Variants in PPM1G observed in about 807,000 individuals in gnomAD.
PPM1G encodes the protein protein phosphatase 1G.
Under a neutral mutation model 59.4 loss-of-function variants are expected in PPM1G, and 12 were observed. The observed-to-expected ratio is 0.20, with a 90% CI of 0.13 to 0.33. The LOEUF (loss-of-function observed/expected upper bound fraction) is 0.33. Ranked by LOEUF, PPM1G falls within the 10% of genes least tolerant of loss-of-function variation. PPM1G has a pLI of 1.00. For missense variants in PPM1G, 392 were observed against 681.3 expected, an observed-to-expected ratio of 0.58 and a Z score of 4.73; for synonymous variants, 245 against 251.9, an observed-to-expected ratio of 0.97 and a Z score of 0.26.
intron 1 of PPM1G, among the ~76,000 whole-genome samples, chr2:27,400,126 G>A (rs145949639): frequency 2.6e-5 from 4 of 152,290 alleles, no homozygotes; most frequent in East Asian, 1.9e-4. Context: ...GCCGGGCGTG[G>A]TGGTTCATGC....
intron 1 of PPM1G, among the ~76,000 whole-genome samples, chr2:27,396,587 G>A (rs2148424610): frequency 6.6e-6 from 1 of 152,140 alleles, no homozygotes; most frequent in South Asian, 2.1e-4. Flanking sequence ...GGCCGAGGCG[G>A]GCGGATCACT....
chr2:27,387,361 G>A (rs1165904041), intron 1 of PPM1G, among the ~76,000 whole-genome samples: 2 of 152,104 alleles, frequency 1.3e-5, no homozygotes, highest in Non-Finnish European at 1.5e-5. Context: ...AGAAAAGGAA[G>A]AAAGAATCAG....
In PPM1G at chr2:27,382,238, A is replaced by G. The variant is rs753960093; in HGVS notation, c.1332-10T>C. On this transcript the variant is annotated splice_polypyrimidine_tract_variant and intron_variant, in intron 8 of 9. Transcript: ENST00000344034. This position sits in a 1 kb window ranked among gnomAD's most constrained non-coding sequence, Gnocchi z 4.2. ...GCTGCTCATCACATTCCTGGGGTCAAGAACAACAGTCAGAATCTTCCAGTC... is the reference window on the plus strand; with the variant it reads ...GCTGCTCATCACATTCCTGGGGTCAGGAACAACAGTCAGAATCTTCCAGTC... 1 of 1,612,762 alleles carries G rather than the reference A, an allele frequency of 6.2e-7. No homozygotes were observed. Among genetic ancestry groups the G allele is most frequent in the Non-Finnish European group, 8.5e-7 (1 of 1,178,702 alleles).
intron 1 of PPM1G, among the ~76,000 whole-genome samples, chr2:27,392,398 G>T (rs1683936973): frequency 6.7e-6 from 1 of 148,876 alleles, no homozygotes. Flanking sequence ...AGGTTCAAGT[G>T]ATTCTCATGC....
chr2:27,407,636 T>A (rs947522216), intron 1 of PPM1G, among the ~76,000 whole-genome samples: 1 of 152,218 alleles, frequency 6.6e-6, no homozygotes, highest in Non-Finnish European at 1.5e-5. Context: ...ATATGAATGC[T>A]ATGCTTCAGT....
chr2:27,408,997 G>C (rs1663447511), intron 1 of PPM1G, among the ~76,000 whole-genome samples: 1 of 152,228 alleles, frequency 6.6e-6, no homozygotes, highest in African/African-American at 2.4e-5. Context: ...CCGTTGATGA[G>C]CCTGGAGGGC....
At position 27,381,605 on chromosome 2, in the gene PPM1G, T is replaced by C. The variant is rs752092055; in HGVS notation, c.1635A>G (p.Arg545=). The part of the protein sequence containing the change: ...GNSDKKKKAK[R]D ...GCAGGGGTCTGGATGACTGCTAGTC[T>C]CGCTTGGCCTTCTTCTTCTTGTCGC... The change falls in exon 10 of 10, where the codon CGA becomes CGG. Residue 545 remains arginine, a synonymous_variant. Transcript: ENST00000344034. The C allele has an allele frequency of 6.2e-7, 1 of 1,614,128 alleles. No homozygotes were observed. Among genetic ancestry groups the C allele is most frequent in the Non-Finnish European group, 8.5e-7 (1 of 1,180,040 alleles).
intron 1 of PPM1G, among the ~76,000 whole-genome samples, chr2:27,405,934 C>T (rs1663352227): frequency 1.3e-5 from 2 of 152,020 alleles, no homozygotes; most frequent in South Asian, 4.1e-4. Context: ...ACCCGGGAGG[C>T]GGAGGTTGCA....
At chr2:27,397,219 G>A (rs990883873) in intron 1 of PPM1G, among the ~76,000 whole-genome samples, 4 of 152,036 alleles carry the variant, frequency 2.6e-5, no homozygotes, top group Non-Finnish European at 4.4e-5. Context: ...CCACAAAGAA[G>A]AGCCCAGGCT....
At chr2:27,405,704 T>C (rs1218113893) in intron 1 of PPM1G, among the ~76,000 whole-genome samples, 1 of 151,956 alleles carries the variant, frequency 6.6e-6, no homozygotes, top group African/African-American at 2.4e-5. Flanking sequence ...CTGTGGTATT[T>C]TGATTACCTT....
intron 1 of PPM1G, chr2:27,392,776 C>T: frequency 1.4e-6 from 2 of 1,452,376 alleles, no homozygotes; most frequent in Non-Finnish European, 1.9e-6. Flanking sequence ...GGGAAATTAG[C>T]CTGAGGCTTA....
In PPM1G at chr2:27,382,373, GAGGCCT is replaced by G; in HGVS notation, c.1331+97_1331+102del. ...AGTCTGGGTGCTCTTCACCCACCAAGAGGCCTAGGTCTGCCTAGGCTCTAATCCTAG... is the reference window on the plus strand; with the variant it reads ...AGTCTGGGTGCTCTTCACCCACCAAGAGGTCTGCCTAGGCTCTAATCCTAG... On this transcript the variant is annotated intron_variant, in intron 8 of 9. Coordinates refer to ENST00000344034, the MANE Select transcript of PPM1G (RefSeq NM_177983.3). The surrounding 1 kb of genome is among the most constrained non-coding windows in gnomAD (Gnocchi z 4.2). 1 of 1,568,608 alleles carries G rather than the reference GAGGCCT, an allele frequency of 6.4e-7. No homozygotes were observed. Among genetic ancestry groups the G allele is most frequent in the Non-Finnish European group, 8.7e-7 (1 of 1,150,918 alleles).
rs1340502573 is a variant in PPM1G at position 27,383,712 on chromosome 2, TAACA to T, written c.967-116_967-113del. ...TTCACTGGGACCCCCAAAAGAGCTT[TAACA>T]AACAGGAGAAGCACACATTTCATCT... On this transcript the variant is annotated intron_variant, in intron 6 of 9. Coordinates refer to ENST00000344034, the MANE Select transcript of PPM1G (RefSeq NM_177983.3). This position sits in a 1 kb window ranked among gnomAD's most constrained non-coding sequence, Gnocchi z 5.0. 7.4e-6 allele frequency: 9 copies of T among 1,216,270 alleles called. No homozygotes were observed. The highest frequency in any genetic ancestry group is 4.6e-5 in the African/African-American group (3 of 65,628). The allele number at this position is 1,216,270 out of a possible 1,614,324, so 75.3% of individuals were successfully genotyped here.
chr2:27,384,441 G>A lies in PPM1G; in HGVS notation c.825+232C>T, dbSNP rs973373447. On this transcript the variant is annotated intron_variant, in intron 5 of 9. Transcript: ENST00000344034. This position sits in a 1 kb window ranked among gnomAD's most constrained non-coding sequence, Gnocchi z 4.8. Reference sequence around the variant, plus strand: ...GTTCTCTCTCTAGGAGACAGACTCTGAAAAGCCAGAACTAGATCTGCTTGT... The same window carrying A: ...GTTCTCTCTCTAGGAGACAGACTCTAAAAAGCCAGAACTAGATCTGCTTGT... Among the ~76,000 whole-genome samples, 1 of 152,198 alleles carries A rather than the reference G, an allele frequency of 6.6e-6. No individual in the cohort carries two copies. The highest frequency in any genetic ancestry group is 1.5e-5 in the Non-Finnish European group (1 of 68,030).
chr2:27,387,303 A>T, intron 1 of PPM1G, 145 bp from the exon 2 acceptor site: 2 of 631,318 alleles, frequency 3.2e-6, no homozygotes, highest in Non-Finnish European at 5.6e-6. Flanking sequence ...TGATAAAATA[A>T]ATACAGAGGA....
chr2:27,392,867 G>C (rs1281023744), intron 1 of PPM1G: 4 of 1,451,286 alleles, frequency 2.8e-6, no homozygotes, highest in African/African-American at 2.8e-5. Context: ...CCCATCTCGT[G>C]CATGTTGGTC....
Position 27,381,740 on chromosome 2 carries a change from G to A in PPM1G, c.1500C>T (p.Cys500=), listed in dbSNP as rs940638321. The change falls in exon 10 of 10, where the codon TGC becomes TGT. Residue 500 remains cysteine (C), a synonymous_variant. Coordinates refer to ENST00000344034, the MANE Select transcript of PPM1G (RefSeq NM_177983.3). ...TTCGGGGCTTGAAGCAAATGATGAT[G>A]CAGGTCATGTTGTCACACCCTGTAC... ...GDGTGCDNMT[C]IIICFKPRNT... 2.3e-5 allele frequency: 37 copies of A among 1,613,718 alleles called. No homozygotes were observed. Among genetic ancestry groups the A allele is most frequent in the Non-Finnish European group, 3.1e-5 (36 of 1,180,024 alleles).
Position 27,384,153 on chromosome 2 carries a change from C to T in PPM1G, c.826-61G>A, listed in dbSNP as rs889553402. 1 of 1,609,156 alleles carries T rather than the reference C, an allele frequency of 6.2e-7. No individual in the cohort carries two copies. The highest frequency in any genetic ancestry group is 8.5e-7 in the Non-Finnish European group (1 of 1,177,760). On this transcript the variant is annotated intron_variant, in intron 5 of 9. Coordinates refer to ENST00000344034, the MANE Select transcript of PPM1G (RefSeq NM_177983.3). The surrounding 1 kb of genome is among the most constrained non-coding windows in gnomAD (Gnocchi z 4.8). ...GATGATCCCCTCCCTCCCCACAGCT[C>T]ATACTCAGAATCAAGAGGTCCTGAC...
intron 1 of PPM1G, chr2:27,393,306 A>C: frequency 6.3e-7 from 1 of 1,598,182 alleles, no homozygotes; most frequent in Non-Finnish European, 8.5e-7. Flanking sequence ...CTGGCGGTTG[A>C]TGGCGGCCTC....
Sources: gnomAD v4.1 joint callset for allele counts (sites outside exome capture counted in the v4.1 genomes callset) on GRCh38, gnomAD v4.1.1 for gene constraint, Gnocchi (gnomAD v3.1) non-coding constraint, MANE v1.5 for transcripts, NCBI Gene and HGNC (gene_info 2026-07-23, HGNC 2026-07-21) for gene names.